The following BAG3 variants were observed in gnomAD, a reference collection of about 807,000 sequenced individuals.
BAG3 encodes the protein BAG cochaperone 3.
Under a neutral mutation model 40.5 loss-of-function variants are expected in BAG3, and 14 were observed. That is an observed-to-expected ratio of 0.35 (90% CI 0.23 to 0.54). BAG3 has a LOEUF of 0.54. Ranked by LOEUF, BAG3 falls within the 20% of genes least tolerant of loss-of-function variation. BAG3 has a pLI of 0.91. For missense variants in BAG3, 788 were observed against 758.6 expected, an observed-to-expected ratio of 1.04 and a Z score of -0.46; for synonymous variants, 302 against 307.8, an observed-to-expected ratio of 0.98 and a Z score of 0.20.
rs111717588 is a variant in BAG3, at chr10:119,676,395, A to G, written c.910-69A>G. On this transcript the variant is annotated intron_variant, in intron 3 of 3. Transcript: ENST00000369085. ...TTTCTCAGTTTTCTTTCTAATCTGT[A>G]CTAGCTACAAACAATTTCTGTGACT... is the stretch of plus-strand genomic sequence containing the variant. 2.1e-4 allele frequency: 324 copies of G among 1,532,640 alleles called. No individual in the cohort carries two copies. The African/African-American group carries it at 3.6e-3, about 17-fold the overall frequency. 94.9% of individuals were successfully genotyped at this position (1,532,640 alleles called of 1,614,324 possible). A position where few individuals can be genotyped will look rare whatever the true frequency, so the allele number is the denominator to read the frequency against.
chr10:119,664,828 T>G (rs1847036742), intron 1 of BAG3, among the ~76,000 whole-genome samples: 1 of 152,212 alleles, frequency 6.6e-6, no homozygotes, highest in Admixed American at 6.5e-5. Flanking sequence ...GATTCTTTTA[T>G]TTACAAAATA....
chr10:119,674,379 GA>G (rs1213220245), intron 3 of BAG3, among the ~76,000 whole-genome samples: 2 of 152,232 alleles, frequency 1.3e-5, no homozygotes, highest in African/African-American at 2.4e-5. Flanking sequence ...CATTTGTAGA[GA>G]GAGGGATATT....
In BAG3 at chr10:119,665,132, A is replaced by T. The variant is rs142896528; in HGVS notation, c.181-4719A>T. Among the ~76,000 whole-genome samples the T allele has an allele frequency of 2.7e-4, 15 of 56,474 alleles. 1 individual carries two copies. Among genetic ancestry groups the T allele is most frequent in the South Asian group, 5.9e-4 (1 of 1,708 alleles). 37.0% of individuals were successfully genotyped at this position (56,474 alleles called of 152,430 possible). Reference sequence around the variant, plus strand: ...TGTGTGTGTGTGTGTGTGTGTATATATATATATATATATTTTTTTTTTTAG... The same window carrying T: ...TGTGTGTGTGTGTGTGTGTGTATATTTATATATATATATTTTTTTTTTTAG... On this transcript the variant is annotated intron_variant, in intron 1 of 3. Coordinates refer to ENST00000369085, the MANE Select transcript of BAG3 (RefSeq NM_004281.4).
rs1324374464 is a variant in BAG3 at position 119,669,902 on chromosome 10, C to T, written c.232C>T (p.Pro78Ser). ...GPSREGSRLP[P>S]AREGHPVYPQ... ...TTCCCGGGAGGGCTCTAGGCTGCCG[C>T]CTGCTAGGGAAGGCCACCCTGTGTA... Residue 78 changes from proline (P) to serine (S), a missense_variant, in exon 2 of 4, where the codon CCT (proline) becomes TCT (serine). By Grantham distance (74) the Pro-to-Ser change is moderately conservative. Transcript: ENST00000369085. 1.9e-6 allele frequency: 3 copies of T among 1,614,118 alleles called. No homozygotes were observed. In the African/African-American group the frequency reaches 4.0e-5, roughly 22 times the overall value.
intron 1 of BAG3, among the ~76,000 whole-genome samples, chr10:119,657,869 A>T (rs190340689): frequency 2.1e-3 from 317 of 152,168 alleles, no homozygotes; most frequent in Non-Finnish European, 3.2e-3. Context: ...TCTCTTAAAA[A>T]TTTTTTTTCG....
Position 119,651,420 on chromosome 10 carries a change from C to A in BAG3, c.-256C>A, listed in dbSNP as rs1017177198. The A allele has an allele frequency of 2.1e-5, 8 of 389,632 alleles. No homozygotes were observed. The highest frequency in any genetic ancestry group is 3.2e-5 in the Non-Finnish European group (7 of 222,010). The allele number at this position is 389,632 out of a possible 1,614,324, so 24.1% of individuals were successfully genotyped here. On this transcript the variant is annotated 5_prime_UTR_variant, in exon 1 of 4. Coordinates refer to ENST00000369085, the MANE Select transcript of BAG3 (RefSeq NM_004281.4). ...CCGCGGCCAACTTCTCTGGACTGGACCAGAAGTTTCTAGCCGGCCAGTTGC... is the reference window on the plus strand; with the variant it reads ...CCGCGGCCAACTTCTCTGGACTGGAACAGAAGTTTCTAGCCGGCCAGTTGC...
intron 1 of BAG3, among the ~76,000 whole-genome samples, chr10:119,661,023 G>T (rs1846984910): frequency 6.6e-6 from 1 of 152,162 alleles, no homozygotes; most frequent in Admixed American, 6.5e-5. Flanking sequence ...AACCCGGGAG[G>T]CAGAGGTTGT....
chr10:119,675,449 A>G (rs1359308552), intron 3 of BAG3, among the ~76,000 whole-genome samples: 1 of 152,228 alleles, frequency 6.6e-6, no homozygotes, highest in African/African-American at 2.4e-5. Flanking sequence ...CAGCACAGCT[A>G]TCCTGAAGCA....
rs201638005 is a variant in BAG3, at chr10:119,672,400, G to A, written c.653G>A (p.Arg218Gln). 1.6e-4 allele frequency: 261 copies of A among 1,614,012 alleles called. 3 individuals carry two copies. Among genetic ancestry groups the A allele is most frequent in the South Asian group, 1.1e-3 (100 of 91,080 alleles). ...IPVIHEQNVT[R>Q]PAAQPSFHQA... is the part of the protein sequence containing the mutation. ...GTGATACACGAGCAGAACGTTACCC[G>A]GCCAGCAGCCCAGCCCTCCTTCCAC... The change falls in exon 3 of 4, where the codon CGG becomes CAG. Residue 218 changes from arginine (R) to glutamine (Q), a missense_variant. Transcript: ENST00000369085. This position sits in a 1 kb window ranked among gnomAD's most constrained non-coding sequence, Gnocchi z 4.8.
chr10:119,670,507 C>G (rs571211078), intron 2 of BAG3, among the ~76,000 whole-genome samples: 4 of 152,264 alleles, frequency 2.6e-5, no homozygotes, highest in Non-Finnish European at 5.9e-5. Flanking sequence ...GACCGGAAGC[C>G]TGGCCTGCCT....
At chr10:119,654,294 C>T (rs553151150) in intron 1 of BAG3, among the ~76,000 whole-genome samples, 1 of 152,178 alleles carries the variant, frequency 6.6e-6, no homozygotes, top group Non-Finnish European at 1.5e-5. Context: ...GTCTGAGCAT[C>T]ATCATCTTCA....
At chr10:119,657,575 C>T in intron 1 of BAG3, 1 of 471,074 alleles carries the variant, frequency 2.1e-6, no homozygotes, top group South Asian at 1.5e-5. Context: ...GCAGGTGTGT[C>T]CCGGGAAGCC....
intron 1 of BAG3, among the ~76,000 whole-genome samples, chr10:119,656,889 C>A (rs918492044): frequency 6.6e-6 from 1 of 152,144 alleles, no homozygotes; most frequent in Non-Finnish European, 1.5e-5. Context: ...AAGTGTCTTA[C>A]ACATGGGACA....
rs1405717595 is a variant in BAG3 at position 119,677,050 on chromosome 10, T to C, written c.1496T>C (p.Ile499Thr). 5 of 1,614,110 alleles carry C rather than the reference T, an allele frequency of 3.1e-6. No individual in the cohort carries two copies. The highest frequency in any genetic ancestry group is 1.3e-5 in the African/African-American group (1 of 75,014). Reference protein sequence around the residue: ...TILEKLEQKAIDVPGQVQVYE... With the variant: ...TILEKLEQKATDVPGQVQVYE... ...TTGGAAAAACTTGAACAGAAAGCCA[T>C]TGATGTCCCAGGTCAAGTCCAGGTC... The change falls in exon 4 of 4, where the codon ATT becomes ACT. Residue 499 changes from isoleucine (I) to threonine (T), a missense_variant. Physicochemically the swap from Ile to Thr is moderately conservative, Grantham distance 89 (BLOSUM62 -1). Transcript: ENST00000369085.
rs117671123 is a variant in BAG3 at position 119,672,519 on chromosome 10, C to T, written c.772C>T (p.Arg258Trp). ...HKIQGDDWEP[R>W]PLRAASPFRS... ...GATCCAGGGGGATGACTGGGAGCCC[C>T]GGCCCCTGCGGGCGGCATCCCCGTT... The change falls in exon 3 of 4, where the codon CGG becomes TGG. Residue 258 changes from arginine (R) to tryptophan (W), a missense_variant. Physicochemically the swap from Arg to Trp is moderately radical, Grantham distance 101. Transcript: ENST00000369085. The surrounding 1 kb of genome is among the most constrained non-coding windows in gnomAD (Gnocchi z 4.8). 4.6e-4 allele frequency: 736 copies of T among 1,614,016 alleles called. 2 individuals carry two copies. In the East Asian group the frequency reaches 0.015, roughly 33 times the overall value.
chr10:119,652,804 ACTT>A (rs1276231636), intron 1 of BAG3, among the ~76,000 whole-genome samples: 1 of 152,264 alleles, frequency 6.6e-6, no homozygotes, highest in African/African-American at 2.4e-5. Flanking sequence ...AAGGATATAT[ACTT>A]CTTAATCCCC....
In BAG3 at chr10:119,651,837, G is replaced by T; in HGVS notation, c.162G>T (p.Val54=). 1.3e-6 allele frequency: 2 copies of T among 1,585,214 alleles called. No homozygotes were observed. Among genetic ancestry groups the T allele is most frequent in the Non-Finnish European group, 1.7e-6 (2 of 1,167,024 alleles). Residue 54 remains valine, a synonymous_variant, in exon 1 of 4, where the codon GTG becomes GTT. Coordinates refer to ENST00000369085, the MANE Select transcript of BAG3 (RefSeq NM_004281.4). The part of the protein sequence containing the change: ...SRTTTWNDPR[V]PSEGPKETPS... ...CCACTACGTGGAACGACCCGCGCGT[G>T]CCCTCTGAGGGCCCCAAGGTGAGCC...
chr10:119,673,775 A>G (rs771943993), intron 3 of BAG3, among the ~76,000 whole-genome samples: 13 of 152,374 alleles, frequency 8.5e-5, no homozygotes, highest in Non-Finnish European at 1.0e-4. Flanking sequence ...CATATACTTC[A>G]TCCAGTTCAC....
At chr10:119,675,640 C>G (rs1564775776) in intron 3 of BAG3, among the ~76,000 whole-genome samples, 1 of 152,132 alleles carries the variant, frequency 6.6e-6, no homozygotes, top group Admixed American at 6.5e-5. Context: ...GAAGAAGGAC[C>G]AGAGGCAGCG....
Sources: allele counts gnomAD v4.1 joint callset (sites outside exome capture counted in the v4.1 genomes callset), GRCh38; gene constraint gnomAD v4.1.1; non-coding constraint Gnocchi (gnomAD v3.1); transcripts MANE v1.5; gene names NCBI Gene and HGNC (gene_info 2026-07-23, HGNC 2026-07-21).